The following SPP1 variants were observed in gnomAD, a reference collection of about 807,000 sequenced individuals.
SPP1 encodes the protein secreted phosphoprotein 1.
SPP1 carries 18 observed loss-of-function variants against 20.8 expected under a neutral mutation model. The ratio of observed to expected loss-of-function variants is 0.87; its 90% CI spans 0.60 to 1.29. The LOEUF is 1.29. Among genes scored for constraint, SPP1 ranks in the 50% most tolerant of loss-of-function variants. SPP1 has a pLI of 0.00. For synonymous variants in SPP1, 146 were observed against 141.5 expected (o/e 1.03, Z -0.23); for missense variants, 363 against 389.0 (o/e 0.93, Z 0.56).
At chr4:87,981,039 T>C (rs1725618600) in intron 5 of SPP1, among the ~76,000 whole-genome samples, 2 of 152,160 alleles carry the variant, frequency 1.3e-5, no homozygotes, top group Admixed American at 6.5e-5. Context: ...AGGAAAGTGG[T>C]TATAGATTTT....
chr4:87,977,874 G>A, intron 3 of SPP1: 1 of 1,189,194 alleles, frequency 8.4e-7, no homozygotes, highest in South Asian at 1.6e-5. Flanking sequence ...GTTTGTGTGT[G>A]GAGGGGTGTG....
chr4:87,981,834 C>G (rs759178919), intron 6 of SPP1, 36 bp downstream of exon 6: 1 of 1,580,844 alleles, frequency 6.3e-7, no homozygotes, highest in Non-Finnish European at 8.6e-7. Context: ...ATGGTTCTGA[C>G]TAGCGCTCAA....
chr4:87,978,947 C>T (rs1725525918), intron 3 of SPP1, among the ~76,000 whole-genome samples: 2 of 152,250 alleles, frequency 1.3e-5, no homozygotes, highest in South Asian at 4.1e-4. Flanking sequence ...AGAGCAATTT[C>T]CACTCCTTTG....
chr4:87,979,917 A>G, intron 3 of SPP1, 129 bp from the exon 4 acceptor site: 1 of 837,612 alleles, frequency 1.2e-6, no homozygotes, highest in South Asian at 1.9e-5. Flanking sequence ...AAAAAAAAAA[A>G]TTACAAAAAG....
intron 6 of SPP1, 134 bp downstream of exon 6, chr4:87,981,932 T>C (rs933248001): frequency 2.8e-5 from 22 of 799,586 alleles, no homozygotes; most frequent in Middle Eastern, 3.6e-4. Flanking sequence ...TTCTACTTTA[T>C]GACCATTGAA....
At chr4:87,980,670 G>T in intron 5 of SPP1, 1 of 520,070 alleles carries the variant, frequency 1.9e-6, no homozygotes. Context: ...ACATTAATCT[G>T]CTTGCAATTT....
In SPP1 at chr4:87,981,713, C is replaced by G. The variant is rs775719155; in HGVS notation, c.455C>G (p.Thr152Arg). ...ATEVFTPVVPTVDTYDGRGDS... is the reference protein window; with the variant it reads ...ATEVFTPVVPRVDTYDGRGDS... ...GAAGTTTTCACTCCAGTTGTCCCCA[C>G]AGTAGACACATATGATGGCCGAGGT... Residue 152 changes from threonine to arginine, a missense_variant, in exon 6 of 7, where the codon ACA becomes AGA. Thr to Arg is a moderately conservative substitution (Grantham distance 71, BLOSUM62 -1). Transcript: ENST00000395080. The G allele has an allele frequency of 3.7e-6, 6 of 1,614,188 alleles. No homozygotes were observed. Among genetic ancestry groups the G allele is most frequent in the Non-Finnish European group, 2.5e-6 (3 of 1,180,038 alleles).
Position 87,976,935 on chromosome 4 carries a change from A to G in SPP1, c.40A>G (p.Thr14Ala), listed in dbSNP as rs776733549. Reference sequence around the variant, plus strand: ...GATTTGCTTTTGCCTCCTAGGCATCACCTGTGCCATACCAGTGAGTACAGT... The same window carrying G: ...GATTTGCTTTTGCCTCCTAGGCATCGCCTGTGCCATACCAGTGAGTACAGT... ...AVICFCLLGI[T>A]CAIPVKQADS... The change falls in exon 2 of 7, where the codon ACC becomes GCC. Residue 14 changes from threonine (T) to alanine (A), a missense_variant. Coordinates refer to ENST00000395080, the MANE Select transcript of SPP1 (RefSeq NM_001040058.2). 7 of 1,613,778 alleles carry G rather than the reference A, an allele frequency of 4.3e-6. No homozygotes were observed. Among genetic ancestry groups the G allele is most frequent in the Non-Finnish European group, 5.1e-6 (6 of 1,179,668 alleles).
chr4:87,980,422 C>G lies in SPP1; in HGVS notation c.204C>G (p.Asp68Glu). Reference sequence around the variant, plus strand: ...CTGTGTCCTCTGAAGAAACCAATGACTTTAAACAAGAGGTAAGTTCTCATT... The same window carrying G: ...CTGTGTCCTCTGAAGAAACCAATGAGTTTAAACAAGAGGTAAGTTCTCATT... ...QNAVSSEETN[D>E]FKQETLPSKS... is the part of the protein sequence containing the mutation. The change falls in exon 5 of 7, where the codon GAC becomes GAG. Residue 68 changes from aspartate to glutamate, a missense_variant. Asp to Glu is a conservative substitution (Grantham distance 45). Transcript: ENST00000395080. 6.2e-7 allele frequency: 1 copy of G among 1,614,124 alleles called. No homozygotes were observed. Among genetic ancestry groups the G allele is most frequent in the Non-Finnish European group, 8.5e-7 (1 of 1,179,998 alleles).
In SPP1 at chr4:87,982,836, T is replaced by C; in HGVS notation, c.885T>C (p.Asp295=). Residue 295 remains aspartate, a synonymous_variant, in exon 7 of 7, where the codon GAT becomes GAC. Transcript: ENST00000395080. ...LVVDPKSKEE[D]KHLKFRISHE... is the part of the protein sequence containing the mutation. ...TAGACCCCAAAAGTAAGGAAGAAGA[T>C]AAACACCTGAAATTTCGTATTTCTC... The C allele has an allele frequency of 6.2e-7, 1 of 1,614,158 alleles. No homozygotes were observed. The highest frequency in any genetic ancestry group is 8.5e-7 in the Non-Finnish European group (1 of 1,180,012).
At chr4:87,980,207 CT>C in intron 4 of SPP1, 81 bp downstream of exon 4, 1 of 1,529,540 alleles carries the variant, frequency 6.5e-7, no homozygotes, top group Non-Finnish European at 9.0e-7. Context: ...CAGATGAATC[CT>C]GCCTGCCTGC....
chr4:87,982,926 C>A lies in SPP1; in HGVS notation c.*30C>A. 6.5e-7 allele frequency: 1 copy of A among 1,548,554 alleles called. No individual in the cohort carries two copies. Among genetic ancestry groups the A allele is most frequent in the Middle Eastern group, 1.7e-4 (1 of 5,744 alleles). ...AGAAAAAATACAATTTCTCACTTTG[C>A]ATTTAGTCAAAAGAAAAAATGCTTT... On this transcript the variant is annotated 3_prime_UTR_variant, in exon 7 of 7. Transcript: ENST00000395080.
intron 1 of SPP1, 147 bp from the exon 2 acceptor site, chr4:87,976,735 T>TA (rs1240908181): frequency 3.6e-6 from 2 of 552,018 alleles, no homozygotes; most frequent in Middle Eastern, 4.8e-4. Flanking sequence ...ACTATAATAC[T>TA]AAAAAGAAAA....
chr4:87,978,624 C>T (rs545687509), intron 3 of SPP1, among the ~76,000 whole-genome samples: 161 of 152,210 alleles, frequency 1.1e-3, no homozygotes, highest in African/African-American at 3.7e-3. Flanking sequence ...CCTCGTGATC[C>T]ACCCTCCTTG....
intron 1 of SPP1, 112 bp from the exon 2 acceptor site, chr4:87,976,770 T>C: frequency 7.2e-6 from 5 of 689,766 alleles, no homozygotes; most frequent in South Asian, 2.7e-5. Context: ...GTAGAAAAGA[T>C]TCTATAGAAA....
chr4:87,979,833 A>G (rs1212475998), intron 3 of SPP1, among the ~76,000 whole-genome samples: 1 of 151,912 alleles, frequency 6.6e-6, no homozygotes, highest in Non-Finnish European at 1.5e-5. Context: ...ATGAGTTCAT[A>G]TTTGTAAAGC....
At position 87,981,758 on chromosome 4, in the gene SPP1, T is replaced by C. The variant is rs764427088; in HGVS notation, c.500T>C (p.Leu167Pro). The change falls in exon 6 of 7, where the codon CTG becomes CCG. Residue 167 changes from leucine (L) to proline (P), a missense_variant. Coordinates refer to ENST00000395080, the MANE Select transcript of SPP1 (RefSeq NM_001040058.2). ...CGAGGTGATAGTGTGGTTTATGGACTGAGGTCAAAATCTAAGAAGTTTCGC... is the reference window on the plus strand; with the variant it reads ...CGAGGTGATAGTGTGGTTTATGGACCGAGGTCAAAATCTAAGAAGTTTCGC... ...DGRGDSVVYG[L>P]RSKSKKFRRP... The C allele has an allele frequency of 1.9e-6, 3 of 1,614,132 alleles. No homozygotes were observed. The highest frequency in any genetic ancestry group is 1.1e-5 in the South Asian group (1 of 91,088).
intron 5 of SPP1, 113 bp downstream of exon 5, chr4:87,980,547 A>C: frequency 9.0e-7 from 1 of 1,111,226 alleles, no homozygotes; most frequent in Non-Finnish European, 1.3e-6. Flanking sequence ...GCTAATTGGC[A>C]GTCTAAAACT....
chr4:87,979,929 T>A, intron 3 of SPP1, 117 bp from the exon 4 acceptor site: 7 of 926,606 alleles, frequency 7.6e-6, no homozygotes, highest in Admixed American at 5.4e-5. Flanking sequence ...TACAAAAAGG[T>A]ACCTAAGGGT....
Sources: allele counts gnomAD v4.1 joint callset (sites outside exome capture counted in the v4.1 genomes callset), GRCh38; gene constraint gnomAD v4.1.1; transcripts MANE v1.5; gene names NCBI Gene and HGNC (gene_info 2026-07-23, HGNC 2026-07-21).